The following NRK variants were observed in gnomAD, a reference collection of about 807,000 sequenced individuals.
The protein encoded by NRK is nik-related protein kinase.
In NRK, 67 loss-of-function variants were observed where a neutral mutation model predicts 125.2. That is an observed-to-expected ratio of 0.54 (90% confidence interval 0.44 to 0.66). The LOEUF (loss-of-function observed/expected upper bound fraction) is 0.66. Ranked by LOEUF, NRK falls within the 30% of genes least tolerant of loss-of-function variation. The pLI is 0.00. For missense variants in NRK, 1,224 were observed against 1,192.9 expected (o/e 1.03, Z -0.38); for synonymous variants, 458 against 429.0 (o/e 1.07, Z -0.84).
chrX:105,899,456 C>T (rs1178891478), intron 8 of NRK, among the ~76,000 whole-genome samples: 2 of 111,602 alleles, frequency 1.8e-5, no homozygotes, highest in African/African-American at 6.5e-5. Flanking sequence ...CTTAAGTGCC[C>T]TTTACATGAT....
In NRK at chrX:105,912,749, A is replaced by T. The variant is rs778889013; in HGVS notation, c.2343A>T (p.Lys781Asn). ...AGCCATACATTTCAAATCCTAAAAA[A>T]ATTGAGGTAAATTTTTCAATATGAG... ...PLKPYISNPKKIEVQERSPSV... is the reference protein window; with the variant it reads ...PLKPYISNPKNIEVQERSPSV... Residue 781 changes from lysine (K) to asparagine (N), a missense_variant, in exon 14 of 29, where the codon AAA (lysine) becomes AAT (asparagine). Lys to Asn is a moderately conservative substitution (Grantham distance 94). Coordinates refer to ENST00000243300, the MANE Select transcript of NRK (RefSeq NM_198465.4). 9 of 1,001,558 alleles carry T rather than the reference A, an allele frequency of 9.0e-6. No homozygotes were observed. The highest frequency in any genetic ancestry group is 1.1e-5 in the Non-Finnish European group (8 of 735,727). 82.5% of individuals were successfully genotyped at this position (1,001,558 alleles called of 1,213,427 possible).
intron 26 of NRK, among the ~76,000 whole-genome samples, chrX:105,947,318 C>T (rs1195866703): frequency 1.3e-5 from 1 of 76,545 alleles, no homozygotes; most frequent in Non-Finnish European, 2.3e-5. Flanking sequence ...TGGCGGGCGC[C>T]TGTAGTCCCA....
At chrX:105,896,082 C>G (rs933635935) in intron 7 of NRK, among the ~76,000 whole-genome samples, 3 of 111,872 alleles carry the variant, frequency 2.7e-5, no homozygotes, top group African/African-American at 9.7e-5. Flanking sequence ...AAGTACCTAG[C>G]TTTCTATGCC....
At chrX:105,903,007 A>G (rs776567113) in intron 9 of NRK, among the ~76,000 whole-genome samples, 61 of 111,422 alleles carry the variant, frequency 5.5e-4, no homozygotes, top group African/African-American at 1.8e-3. Context: ...TAGGAATTCA[A>G]ACAATACGGG....
chrX:105,912,662 A>C lies in NRK; in HGVS notation c.2256A>C (p.Glu752Asp). Residue 752 changes from glutamate (E) to aspartate (D), a missense_variant, in exon 14 of 29, where the codon GAA becomes GAC. By Grantham distance (45) the Glu-to-Asp change is conservative. Coordinates refer to ENST00000243300, the MANE Select transcript of NRK (RefSeq NM_198465.4). ...TTGTTTCAAAGGACAAAGAAGATGA[A>C]TCATCAGACAATGATGAAGTATTTC... The part of the protein sequence containing the change: ...LRQVDKDKED[E>D]SSDNDEVFHS... The C allele has an allele frequency of 9.2e-7, 1 of 1,088,715 alleles. No individual in the cohort carries two copies. The highest frequency in any genetic ancestry group is 1.8e-5 in the African/African-American group (1 of 54,093). 89.7% of individuals were successfully genotyped at this position (1,088,715 alleles called of 1,213,427 possible).
intron 19 of NRK, among the ~76,000 whole-genome samples, chrX:105,932,260 TGGTTATTGTGAA>T (rs1297158921): frequency 1.8e-5 from 2 of 112,015 alleles, no homozygotes; most frequent in East Asian, 5.6e-4. Context: ...TTCCACCTTT[TGGTTATTGTGAA>T]AAGCGCTGCT....
intron 2 of NRK, among the ~76,000 whole-genome samples, chrX:105,837,596 C>T (rs1309835585): frequency 9.0e-6 from 1 of 111,144 alleles, no homozygotes; most frequent in Non-Finnish European, 1.9e-5. Context: ...TATCCTCTCA[C>T]CCTCTCCCAC....
At chrX:105,912,800 G>C (rs1235215035) in intron 14 of NRK, 45 bp downstream of exon 14, 1 of 626,635 alleles carries the variant, frequency 1.6e-6, no homozygotes, top group African/African-American at 2.4e-5. Flanking sequence ...TAAGAACCCA[G>C]AACAGTGGTT....
rs369121313 is a variant in NRK, at chrX:105,850,067, G to A, written c.123+18948G>A. 6.2e-5 allele frequency among the ~76,000 whole-genome samples: 7 copies of A among 112,255 alleles called. No individual in the cohort carries two copies. The East Asian group carries it at 8.5e-4, about 14-fold the overall frequency. Reference sequence around the variant, plus strand: ...TTCTCCATGAGGGCCCCACCCCTGCGGCAAACCTTTGCCTGGTGATCCAGG... The same window carrying A: ...TTCTCCATGAGGGCCCCACCCCTGCAGCAAACCTTTGCCTGGTGATCCAGG... On this transcript the variant is annotated intron_variant, in intron 2 of 28. Coordinates refer to ENST00000243300, the MANE Select transcript of NRK (RefSeq NM_198465.4).
At chrX:105,897,080 T>G (rs2040094730) in intron 7 of NRK, among the ~76,000 whole-genome samples, 1 of 112,365 alleles carries the variant, frequency 8.9e-6, no homozygotes, top group African/African-American at 3.2e-5. Flanking sequence ...GTCCATGCAC[T>G]AAAGTTCATG....
intron 4 of NRK, among the ~76,000 whole-genome samples, chrX:105,884,989 C>T (rs1216808959): frequency 9.0e-6 from 1 of 111,059 alleles, no homozygotes; most frequent in Non-Finnish European, 1.9e-5. Flanking sequence ...TGGGGTTCCA[C>T]CATTTTGGCC....
At chrX:105,923,929 G>T (rs868390798) in intron 18 of NRK, among the ~76,000 whole-genome samples, 3 of 49,924 alleles carry the variant, frequency 6.0e-5, no homozygotes, top group South Asian at 8.4e-4. Flanking sequence ...ATATATATGT[G>T]AAATTTAAGA....
chrX:105,884,809 T>C (rs1254942069), intron 4 of NRK, among the ~76,000 whole-genome samples: 1 of 112,192 alleles, frequency 8.9e-6, no homozygotes, highest in Non-Finnish European at 1.9e-5. Context: ...TTTTGTTTGT[T>C]TGTTTGTTTG....
chrX:105,917,029 A>C (rs1055078763), intron 15 of NRK, among the ~76,000 whole-genome samples: 1 of 111,500 alleles, frequency 9.0e-6, no homozygotes, highest in Non-Finnish European at 1.9e-5. Context: ...TGTAAAATTT[A>C]GCAGCATTAG....
rs187222645 is a variant in NRK at position 105,896,785 on chromosome X, G to A, written c.580+1262G>A. Among the ~76,000 whole-genome samples, 3 of 111,904 alleles carry A rather than the reference G, an allele frequency of 2.7e-5. No individual in the cohort carries two copies. In the East Asian group the frequency reaches 8.4e-4, roughly 31 times the overall value. On this transcript the variant is annotated intron_variant, in intron 7 of 28. Transcript: ENST00000243300. ...TTGAGCCTAGGATGTTGAGGTTGCAGTAAACTATGATTGTGCCACTGCACT... is the reference window on the plus strand; with the variant it reads ...TTGAGCCTAGGATGTTGAGGTTGCAATAAACTATGATTGTGCCACTGCACT...
intron 2 of NRK, among the ~76,000 whole-genome samples, chrX:105,868,956 A>G (rs1378387502): frequency 9.0e-6 from 1 of 110,660 alleles, no homozygotes; most frequent in African/African-American, 3.3e-5. Context: ...TAAAAACTCA[A>G]GTTCGTAATT....
intron 4 of NRK, among the ~76,000 whole-genome samples, chrX:105,886,582 A>G (rs1037990983): frequency 9.6e-6 from 1 of 104,547 alleles, no homozygotes; most frequent in Non-Finnish European, 1.9e-5. Flanking sequence ...TATCTCTGTC[A>G]TAGCTCTAGC....
chrX:105,905,152 G>T, intron 9 of NRK, 113 bp from the exon 10 acceptor site: 1 of 523,051 alleles, frequency 1.9e-6, no homozygotes, highest in Non-Finnish European at 3.3e-6. Context: ...TTGTCCCTTA[G>T]TGTCTACTCA....
At chrX:105,936,242 A>G (rs752327880) in intron 21 of NRK, among the ~76,000 whole-genome samples, 22 of 111,797 alleles carry the variant, frequency 2.0e-4, no homozygotes, top group Non-Finnish European at 3.0e-4. Context: ...GGTAACAAAC[A>G]TTGTAATTAT....
Sources: gnomAD v4.1 joint callset for allele counts (sites outside exome capture counted in the v4.1 genomes callset) on GRCh38, gnomAD v4.1.1 for gene constraint, MANE v1.5 for transcripts, NCBI Gene and HGNC (gene_info 2026-07-23, HGNC 2026-07-21) for gene names.